ACTN2: variants seen among roughly 807,000 people sequenced by gnomAD.
ACTN2 encodes the protein alpha-actinin-2.
A neutral mutation model predicts 113.8 loss-of-function variants in ACTN2; 39 were observed. That is an observed-to-expected ratio of 0.34 (90% CI 0.27 to 0.45). The LOEUF (loss-of-function observed/expected upper bound fraction) is 0.45. Among genes scored for constraint, ACTN2 ranks in the 20% least tolerant of loss-of-function variants. The pLI is 1.00. For missense variants in ACTN2, 992 were observed against 1,177.9 expected (o/e 0.84, Z 2.31); for synonymous variants, 429 against 444.1 (o/e 0.97, Z 0.43).
chr1:236,735,528 G>A, intron 7 of ACTN2, 107 bp from the exon 8 acceptor site: 1 of 1,031,070 alleles, frequency 9.7e-7, no homozygotes, highest in Non-Finnish European at 1.5e-6. Context: ...TCTGGTCAGT[G>A]TAAACCAATT....
At chr1:236,694,613 T>G (rs1003559376) in intron 1 of ACTN2, among the ~76,000 whole-genome samples, 1 of 152,246 alleles carries the variant, frequency 6.6e-6, no homozygotes, top group Non-Finnish European at 1.5e-5. Flanking sequence ...ACTTTCATTT[T>G]AACAATTAAC....
chr1:236,692,879 C>T (rs571986902), intron 1 of ACTN2, among the ~76,000 whole-genome samples: 32 of 152,102 alleles, frequency 2.1e-4, no homozygotes, highest in Non-Finnish European at 3.7e-4. Flanking sequence ...GCACCGCAGT[C>T]GGTTGCTGCA....
chr1:236,727,363 G>A (rs1658582644), intron 5 of ACTN2, among the ~76,000 whole-genome samples: 1 of 152,084 alleles, frequency 6.6e-6, no homozygotes, highest in Non-Finnish European at 1.5e-5. Flanking sequence ...GAAGAGAGAG[G>A]AACCCTGGGA....
At chr1:236,708,720 T>G (rs1198186219) in intron 1 of ACTN2, among the ~76,000 whole-genome samples, 1 of 152,190 alleles carries the variant, frequency 6.6e-6, no homozygotes, top group Non-Finnish European at 1.5e-5. Context: ...GCTGGGGGGA[T>G]TGAGACGCTC....
chr1:236,753,775 A>C, intron 15 of ACTN2, 172 bp from the exon 16 acceptor site: 1 of 796,926 alleles, frequency 1.3e-6, no homozygotes, highest in Non-Finnish European at 2.2e-6. Context: ...TGTAGTCCCT[A>C]GACTAGGGAC....
At chr1:236,731,339 A>T in intron 7 of ACTN2, 25 bp downstream of exon 7, 1 of 1,591,300 alleles carries the variant, frequency 6.3e-7, no homozygotes, top group South Asian at 1.1e-5. Context: ...GTGTTTGCTG[A>T]GTTACAGGAA....
chr1:236,697,496 G>T (rs1400145047), intron 1 of ACTN2, among the ~76,000 whole-genome samples: 4 of 152,202 alleles, frequency 2.6e-5, no homozygotes, highest in African/African-American at 9.6e-5. Context: ...GCTAAGACTA[G>T]AGGACTCCTA....
At chr1:236,713,182 A>G (rs1326971768) in intron 1 of ACTN2, among the ~76,000 whole-genome samples, 2 of 151,874 alleles carry the variant, frequency 1.3e-5, no homozygotes. Context: ...AAGAATTTAT[A>G]CTGATATGGA....
chr1:236,698,296 A>C (rs2102866882), intron 1 of ACTN2, among the ~76,000 whole-genome samples: 1 of 151,914 alleles, frequency 6.6e-6, no homozygotes, highest in East Asian at 1.9e-4. Context: ...CATTTATAGA[A>C]TTAAGGAAAT....
In ACTN2 at chr1:236,735,517, A is replaced by G; in HGVS notation, c.698-118A>G. On this transcript the variant is annotated intron_variant, in intron 7 of 20. Coordinates refer to ENST00000366578, the MANE Select transcript of ACTN2 (RefSeq NM_001103.4). ...GACCACGGGCCCATGAAACACAGAA[A>G]TCTGGTCAGTGTAAACCAATTTGTT... 6 of 893,588 alleles carry G rather than the reference A, an allele frequency of 6.7e-6. No individual in the cohort carries two copies. The South Asian group carries it at 8.2e-5, about 12-fold the overall frequency. 55.4% of individuals were successfully genotyped at this position (893,588 alleles called of 1,614,324 possible).
intron 3 of ACTN2, 151 bp downstream of exon 3, chr1:236,719,164 A>G (rs1449990036): frequency 4.7e-6 from 5 of 1,067,718 alleles, no homozygotes; most frequent in Non-Finnish European, 7.0e-6. Context: ...CGGTGCACAA[A>G]GATAAGAACA....
intron 1 of ACTN2, among the ~76,000 whole-genome samples, chr1:236,712,104 T>C (rs902610736): frequency 6.6e-6 from 1 of 152,218 alleles, no homozygotes. Context: ...AGATGCATGT[T>C]GCGATACAAA....
intron 7 of ACTN2, 123 bp from the exon 8 acceptor site, chr1:236,735,512 C>A: frequency 1.2e-6 from 1 of 869,234 alleles, no homozygotes; most frequent in Non-Finnish European, 1.9e-6. Context: ...CCATGAAACA[C>A]AGAAATCTGG....
chr1:236,731,105 GTT>G, intron 6 of ACTN2, 126 bp from the exon 7 acceptor site: 1 of 684,920 alleles, frequency 1.5e-6, no homozygotes, highest in Non-Finnish European at 2.6e-6. Flanking sequence ...GAAAAGGAAA[GTT>G]ACACTATTAT....
At chr1:236,708,469 T>C (rs1383956696) in intron 1 of ACTN2, among the ~76,000 whole-genome samples, 1 of 152,246 alleles carries the variant, frequency 6.6e-6, no homozygotes, top group Non-Finnish European at 1.5e-5. Context: ...GTTTTCGTTG[T>C]GCTGAGTGGT....
At chr1:236,704,479 C>A (rs775357348) in intron 1 of ACTN2, among the ~76,000 whole-genome samples, 13 of 152,142 alleles carry the variant, frequency 8.5e-5, no homozygotes, top group African/African-American at 3.1e-4. Context: ...AAGACTGCCC[C>A]CCTTCAGACA....
intron 17 of ACTN2, among the ~76,000 whole-genome samples, chr1:236,755,733 T>A (rs1317000939): frequency 9.6e-6 from 1 of 103,758 alleles, no homozygotes; most frequent in African/African-American, 3.6e-5. Context: ...ATAGAGTATA[T>A]ACTGCAGAGT....
Position 236,762,713 on chromosome 1 carries a change from T to A in ACTN2, c.*94T>A. ...GAAACTTTGACAAGCTTTATTAAGT[T>A]GAGAGAGAGAGAGGGGAAAAAAAAA... is the stretch of plus-strand genomic sequence containing the variant. On this transcript the variant is annotated 3_prime_UTR_variant, in exon 21 of 21. Coordinates refer to ENST00000366578, the MANE Select transcript of ACTN2 (RefSeq NM_001103.4). The A allele has an allele frequency of 6.9e-7, 1 of 1,456,796 alleles. No individual in the cohort carries two copies. The highest frequency in any genetic ancestry group is 9.3e-7 in the Non-Finnish European group (1 of 1,070,390). The allele number at this position is 1,456,796 out of a possible 1,614,324, so 90.2% of individuals were successfully genotyped here.
At chr1:236,749,021 A>G (rs1659314390) in intron 13 of ACTN2, 103 bp from the exon 14 acceptor site, 6 of 1,299,522 alleles carry the variant, frequency 4.6e-6, no homozygotes, top group Non-Finnish European at 6.5e-6. Context: ...AATACGATTA[A>G]CAGAATATCA....
Sources: gnomAD v4.1 joint callset for allele counts (sites outside exome capture counted in the v4.1 genomes callset) on GRCh38, gnomAD v4.1.1 for gene constraint, MANE v1.5 for transcripts, NCBI Gene and HGNC (gene_info 2026-07-23, HGNC 2026-07-21) for gene names.